FLRT3: variants seen among roughly 807,000 people sequenced by gnomAD.
FLRT3 encodes the protein fibronectin leucine rich transmembrane protein 3, also known as leucine-rich repeat transmembrane protein FLRT3.
A neutral mutation model predicts 42.6 loss-of-function variants in FLRT3; 17 were observed. That is an observed-to-expected ratio of 0.40 (90% CI 0.27 to 0.60). FLRT3 has a LOEUF of 0.60. Ranked by LOEUF, FLRT3 falls within the 20% of genes least tolerant of loss-of-function variation. The probability of loss-of-function intolerance (pLI) is 0.44; values close to 1 mark genes in which losing one functional copy is unlikely to be tolerated. For synonymous variants in FLRT3, 279 were observed against 286.4 expected (o/e 0.97, Z 0.26); for missense variants, 635 against 789.2 (o/e 0.80, Z 2.34).
At position 14,327,051 on chromosome 20, in the gene FLRT3, G is replaced by T. The variant is rs749538042; in HGVS notation, c.456C>A (p.Asp152Glu). The change falls in exon 3 of 3, where the codon GAC becomes GAA. Residue 152 changes from aspartate (D) to glutamate (E), a missense_variant. Physicochemically the swap from Asp to Glu is conservative, Grantham distance 45. Coordinates refer to ENST00000341420, the MANE Select transcript of FLRT3 (RefSeq NM_198391.3). ...AVSIEEGAFR[D>E]SNYLRLLFLS... The stretch of plus-strand genomic sequence containing the variant: ...GGAAAAGCAGTCGGAGATAGTTGCT[G>T]TCTCGGAATGCTCCCTCTTCTATGC... 5 of 1,613,630 alleles carry T rather than the reference G, an allele frequency of 3.1e-6. No homozygotes were observed.
rs200609256 is a variant in FLRT3, at chr20:14,325,072, A to AT, written c.*484dup. 3,442 of 152,414 alleles carry AT rather than the reference A, an allele frequency of 0.023. 42 individuals are homozygous for AT. Among genetic ancestry groups the AT allele is most frequent in the East Asian group, 0.028 (144 of 5,168 alleles). 9.4% of individuals were successfully genotyped at this position (152,414 alleles called of 1,614,324 possible). On this transcript the variant is annotated 3_prime_UTR_variant, in exon 3 of 3. Coordinates refer to ENST00000341420, the MANE Select transcript of FLRT3 (RefSeq NM_198391.3). ...ATAATTGGAACATTATTTCATAACC[A>AT]TTTTTTAAAATTAAATTTTATCTCA...
At chr20:14,334,982 A>G (rs544414579) in intron 1 of FLRT3, among the ~76,000 whole-genome samples, 1 of 152,272 alleles carries the variant, frequency 6.6e-6, no homozygotes, top group East Asian at 1.9e-4. Flanking sequence ...ATACTTTTTC[A>G]TTGACCAGAT....
chr20:14,335,033 C>A (rs2082912375), intron 1 of FLRT3, among the ~76,000 whole-genome samples: 1 of 151,994 alleles, frequency 6.6e-6, no homozygotes. Flanking sequence ...AAATGAAAAG[C>A]AAGAAAGAAG....
At position 14,326,888 on chromosome 20, in the gene FLRT3, C is replaced by T. The variant is rs778889687; in HGVS notation, c.619G>A (p.Asp207Asn). 1 of 1,613,756 alleles carries T rather than the reference C, an allele frequency of 6.2e-7. No homozygotes were observed. The highest frequency in any genetic ancestry group is 2.2e-5 in the East Asian group (1 of 44,862). The change falls in exon 3 of 3, where the codon GAT becomes AAT. Residue 207 changes from aspartate (D) to asparagine (N), a missense_variant. Transcript: ENST00000341420. The surrounding 1 kb of genome is among the most constrained non-coding windows in gnomAD (Gnocchi z 5.5). The part of the protein sequence containing the change: ...GLTSLKRLVL[D>N]GNLLNNHGLG... ...CCATGATTGTTCAACAGGTTTCCAT[C>T]TAGAACCAGGCGTTTTAGACTAGTG...
intron 1 of FLRT3, among the ~76,000 whole-genome samples, chr20:14,334,432 A>G (rs1045732389): frequency 6.6e-6 from 1 of 152,198 alleles, no homozygotes; most frequent in Non-Finnish European, 1.5e-5. Flanking sequence ...GAGCTGAGAA[A>G]CATCCCTTTT....
At chr20:14,327,925 CATA>C (rs1161913315) in intron 2 of FLRT3, among the ~76,000 whole-genome samples, 1 of 151,942 alleles carries the variant, frequency 6.6e-6, no homozygotes, top group African/African-American at 2.4e-5. Context: ...ACTTAATATT[CATA>C]ATAAGTAACA....
Position 14,327,411 on chromosome 20 carries a change from T to C in FLRT3, c.96A>G (p.Pro32=). ...AACCCGCATCGCAGCGACACACAGA[T>C]GGACAGGATTTAGCCATAACTGATA... ...APLSVMAKSC[P]SVCRCDAGFI... is the part of the protein sequence containing the mutation. The change falls in exon 3 of 3, where the codon CCA becomes CCG. Residue 32 remains proline, a synonymous_variant. Transcript: ENST00000341420. 1.9e-6 allele frequency: 3 copies of C among 1,613,640 alleles called. No homozygotes were observed. The South Asian group carries it at 3.3e-5, about 18-fold the overall frequency.
In FLRT3 at chr20:14,325,409, C is replaced by A. The variant is rs2082717231; in HGVS notation, c.*148G>T. On this transcript the variant is annotated 3_prime_UTR_variant, in exon 3 of 3. Coordinates refer to ENST00000341420, the MANE Select transcript of FLRT3 (RefSeq NM_198391.3). ...AATTTGAAACTTTTAATAAAAAGTTCTTAAATATAAATTATATGGCAAATG... is the reference window on the plus strand; with the variant it reads ...AATTTGAAACTTTTAATAAAAAGTTATTAAATATAAATTATATGGCAAATG... The A allele has an allele frequency of 3.9e-6, 3 of 762,976 alleles. No individual in the cohort carries two copies. The African/African-American group carries it at 5.4e-5, about 14-fold the overall frequency. The allele number at this position is 762,976 out of a possible 1,614,324, so 47.3% of individuals were successfully genotyped here.
In FLRT3 at chr20:14,326,918, C is replaced by T. The variant is rs774666937; in HGVS notation, c.589G>A (p.Gly197Ser). 3 of 1,613,600 alleles carry T rather than the reference C, an allele frequency of 1.9e-6. No homozygotes were observed. Among genetic ancestry groups the T allele is most frequent in the Non-Finnish European group, 2.5e-6 (3 of 1,179,806 alleles). Residue 197 changes from glycine (G) to serine (S), a missense_variant, in exon 3 of 3, where the codon GGT becomes AGT. Transcript: ENST00000341420. The surrounding 1 kb of genome is among the most constrained non-coding windows in gnomAD (Gnocchi z 5.5). ...ISTISSPSLQGLTSLKRLVLD... is the reference protein window; with the variant it reads ...ISTISSPSLQSLTSLKRLVLD... Reference sequence around the variant, plus strand: ...ACCAGGCGTTTTAGACTAGTGAGACCTTGAAGAGATGGTGATGAAATAGTG... The same window carrying T: ...ACCAGGCGTTTTAGACTAGTGAGACTTTGAAGAGATGGTGATGAAATAGTG...
chr20:14,325,542 G>T lies in FLRT3; in HGVS notation c.*15C>A, dbSNP rs370632066. 11 of 1,595,162 alleles carry T rather than the reference G, an allele frequency of 6.9e-6. No homozygotes were observed. The Admixed American group carries it at 1.2e-4, about 17-fold the overall frequency. On this transcript the variant is annotated 3_prime_UTR_variant, in exon 3 of 3. Coordinates refer to ENST00000341420, the MANE Select transcript of FLRT3 (RefSeq NM_198391.3). ...AAAAAACCCAAAACACAAGTCTGCT[G>T]TGAGTCCTTCAGCATCATGAGTGTG...
chr20:14,332,857 G>A (rs2082869702), intron 1 of FLRT3, among the ~76,000 whole-genome samples: 1 of 151,992 alleles, frequency 6.6e-6, no homozygotes, highest in Non-Finnish European at 1.5e-5. Flanking sequence ...TATTTATGAA[G>A]GCTTAAATTG....
rs1379025240 is a variant in FLRT3, at chr20:14,325,647, C to T, written c.1860G>A (p.Met620Ile). 6.2e-7 allele frequency: 1 copy of T among 1,613,758 alleles called. No individual in the cohort carries two copies. The highest frequency in any genetic ancestry group is 8.5e-7 in the Non-Finnish European group (1 of 1,179,760). ...CACTGTGATTGTTTTTGTACAGATT[C>T]ATTCCATTAGGAGGAAATATGGTGT... Reference protein sequence around the residue: ...VIHTIFPPNGMNLYKNNHSES... With the variant: ...VIHTIFPPNGINLYKNNHSES... The change falls in exon 3 of 3, where the codon ATG becomes ATA. Residue 620 changes from methionine (M) to isoleucine (I), a missense_variant. Physicochemically the swap from Met to Ile is conservative, Grantham distance 10. Coordinates refer to ENST00000341420, the MANE Select transcript of FLRT3 (RefSeq NM_198391.3).
chr20:14,336,899 C>CAG (rs1473454539), intron 1 of FLRT3, among the ~76,000 whole-genome samples: 3 of 152,210 alleles, frequency 2.0e-5, no homozygotes, highest in African/African-American at 7.2e-5. Context: ...TAATCCTTTA[C>CAG]AGAGGCACAT....
chr20:14,323,834 CT>C lies in FLRT3; in HGVS notation c.*1722del, dbSNP rs1312137042. On this transcript the variant is annotated 3_prime_UTR_variant, in exon 3 of 3. Coordinates refer to ENST00000341420, the MANE Select transcript of FLRT3 (RefSeq NM_198391.3). ...AAAAAAACAGTTTTTCAAAGACCAC[CT>C]TAAAAAGTATCAGGACAGTGGCAGC... The C allele has an allele frequency of 6.6e-6, 1 of 152,148 alleles. No homozygotes were observed. The highest frequency in any genetic ancestry group is 1.9e-4 in the East Asian group (1 of 5,194). The allele number at this position is 152,148 out of a possible 1,614,324, so 9.4% of individuals were successfully genotyped here.
rs766468718 is a variant in FLRT3, at chr20:14,326,167, G to A, written c.1340C>T (p.Pro447Leu). 7.4e-6 allele frequency: 12 copies of A among 1,613,706 alleles called. No homozygotes were observed. In the South Asian group the frequency reaches 7.7e-5, roughly 10 times the overall value. The stretch of plus-strand genomic sequence containing the variant: ...TGTTTCTGTTATAGATCCAAATGCC[G>A]GGCTATGGCCCAGTTTAAGCCAGCT... ...RLSWLKLGHS[P>L]AFGSITETIV... Residue 447 changes from proline (P) to leucine (L), a missense_variant, in exon 3 of 3, where the codon CCG (proline) becomes CTG (leucine). Coordinates refer to ENST00000341420, the MANE Select transcript of FLRT3 (RefSeq NM_198391.3). The surrounding 1 kb of genome is among the most constrained non-coding windows in gnomAD (Gnocchi z 5.5).
rs202177618 is a variant in FLRT3 at position 14,326,111 on chromosome 20, C to G, written c.1396G>C (p.Val466Leu). The G allele has an allele frequency of 2.1e-4, 338 of 1,613,736 alleles. No individual in the cohort carries two copies. Among genetic ancestry groups the G allele is most frequent in the Non-Finnish European group, 2.6e-4 (312 of 1,179,862 alleles). The part of the protein sequence containing the change: ...IVTGERSEYL[V>L]TALEPDSPYK... ...GGTGAATCAGGCTCCAGGGCTGTGA[C>G]CAAGTACTCACTGCGTTCCCCTGTT... Residue 466 changes from valine to leucine, a missense_variant, in exon 3 of 3, where the codon GTC (valine) becomes CTC (leucine). Coordinates refer to ENST00000341420, the MANE Select transcript of FLRT3 (RefSeq NM_198391.3). The surrounding 1 kb of genome is among the most constrained non-coding windows in gnomAD (Gnocchi z 5.5).
At chr20:14,330,333 A>G (rs1177363914) in intron 1 of FLRT3, among the ~76,000 whole-genome samples, 1 of 151,924 alleles carries the variant, frequency 6.6e-6, no homozygotes, top group Non-Finnish European at 1.5e-5. Flanking sequence ...AGGGTCATCC[A>G]CTCTGATACT....
Position 14,327,393 on chromosome 20 carries a change from A to G in FLRT3, c.114T>C (p.Asp38=), listed in dbSNP as rs1258597087. The part of the protein sequence containing the change: ...AKSCPSVCRC[D]AGFIYCNDRF... ...GATCATTACAGTAAATGAAACCCGC[A>G]TCGCAGCGACACACAGATGGACAGG... is the stretch of plus-strand genomic sequence containing the variant. Residue 38 remains aspartate, a synonymous_variant, in exon 3 of 3, where the codon GAT becomes GAC. Coordinates refer to ENST00000341420, the MANE Select transcript of FLRT3 (RefSeq NM_198391.3). 10 of 1,613,608 alleles carry G rather than the reference A, an allele frequency of 6.2e-6. No individual in the cohort carries two copies. The highest frequency in any genetic ancestry group is 8.5e-6 in the Non-Finnish European group (10 of 1,179,716).
At chr20:14,330,407 A>G (rs1445634131) in intron 1 of FLRT3, among the ~76,000 whole-genome samples, 1 of 152,058 alleles carries the variant, frequency 6.6e-6, no homozygotes, top group Non-Finnish European at 1.5e-5. Context: ...TAAGGACTAA[A>G]GTAGTAGCAA....
Sources: allele counts gnomAD v4.1 joint callset (sites outside exome capture counted in the v4.1 genomes callset), GRCh38; gene constraint gnomAD v4.1.1; non-coding constraint Gnocchi (gnomAD v3.1); transcripts MANE v1.5; gene names NCBI Gene and HGNC (gene_info 2026-07-23, HGNC 2026-07-21).